The following SMYD3 variants were observed in gnomAD, a reference collection of about 807,000 sequenced individuals.
SMYD3 encodes SET and MYND domain containing 3.
In SMYD3, 36 loss-of-function variants were observed where a neutral mutation model predicts 57.7. The observed-to-expected ratio is 0.62, with a 90% confidence interval of 0.48 to 0.82. SMYD3 has a LOEUF of 0.82. SMYD3 is among the 40% of genes least tolerant of loss of function. SMYD3 has a pLI of 0.00. For missense variants in SMYD3, 515 were observed against 538.8 expected (o/e 0.96, Z 0.44); for synonymous variants, 211 against 195.0 (o/e 1.08, Z -0.68).
At chr1:245,799,779 G>A (rs565312193) in intron 10 of SMYD3, among the ~76,000 whole-genome samples, 6 of 152,104 alleles carry the variant, frequency 3.9e-5, no homozygotes, top group South Asian at 2.1e-4. Context: ...TCCCGACCTC[G>A]GCACACCTGT....
chr1:245,750,640 C>A (rs1198454035), intron 11 of SMYD3, among the ~76,000 whole-genome samples: 1 of 128,936 alleles, frequency 7.8e-6, no homozygotes, highest in Non-Finnish European at 1.6e-5. Context: ...GGTTATGGAA[C>A]AACAAACAAC....
chr1:245,950,771 T>C (rs2057604101), intron 5 of SMYD3, among the ~76,000 whole-genome samples: 1 of 152,222 alleles, frequency 6.6e-6, no homozygotes, highest in African/African-American at 2.4e-5. Context: ...TTCCCAGTAT[T>C]TTCTATCCAT....
At chr1:246,325,311 A>C in intron 5 of SMYD3, among the ~76,000 whole-genome samples, 1 of 146,562 alleles carries the variant, frequency 6.8e-6, no homozygotes. Flanking sequence ...GGGGGCGGGA[A>C]GGAGGGGAGT....
At chr1:246,282,921 T>C (rs879378736) in intron 5 of SMYD3, among the ~76,000 whole-genome samples, 5 of 152,170 alleles carry the variant, frequency 3.3e-5, no homozygotes, top group Non-Finnish European at 7.3e-5. Flanking sequence ...CAAGAATAAA[T>C]AATCCCAGAT....
intron 2 of SMYD3, among the ~76,000 whole-genome samples, chr1:246,346,225 A>G (rs1361640529): frequency 1.3e-5 from 2 of 152,046 alleles, no homozygotes; most frequent in East Asian, 3.9e-4. Flanking sequence ...CGGAGCTTGC[A>G]GTGAGCCGAG....
intron 5 of SMYD3, among the ~76,000 whole-genome samples, chr1:246,068,013 T>C (rs2060374644): frequency 6.6e-6 from 1 of 152,034 alleles, no homozygotes; most frequent in African/African-American, 2.4e-5. Flanking sequence ...TGAGAATGAA[T>C]TTGTGGTTTG....
At chr1:246,490,350 C>T (rs2068250718) in intron 1 of SMYD3, among the ~76,000 whole-genome samples, 1 of 152,114 alleles carries the variant, frequency 6.6e-6, no homozygotes, top group African/African-American at 2.4e-5. Context: ...GAAAATGTCT[C>T]AGATGTTATC....
intron 5 of SMYD3, among the ~76,000 whole-genome samples, chr1:246,219,468 A>G (rs6426285): frequency 0.27 from 40,330 of 151,916 alleles, 6,086 homozygotes; most frequent in East Asian, 0.58. Flanking sequence ...AGCCACTTCC[A>G]TTGGCAATAA....
intron 1 of SMYD3, among the ~76,000 whole-genome samples, chr1:246,461,097 T>C (rs7553210): frequency 0.98 from 149,695 of 152,342 alleles, 73,561 homozygotes; most frequent in East Asian, 1. Flanking sequence ...TTCTGAAAAA[T>C]GTAAGTTAAA....
At chr1:246,246,400 A>G (rs4654225) in intron 5 of SMYD3, among the ~76,000 whole-genome samples, 31,535 of 152,056 alleles carry the variant, frequency 0.21, 3,983 homozygotes, top group East Asian at 0.58. Context: ...ACTGGAAAGT[A>G]AGTCTATTTG....
At chr1:245,940,024 A>C (rs1429305021) in intron 5 of SMYD3, among the ~76,000 whole-genome samples, 2 of 152,152 alleles carry the variant, frequency 1.3e-5, no homozygotes, top group African/African-American at 2.4e-5. Flanking sequence ...GGCTATGGCA[A>C]ATCATGGCCA....
intron 5 of SMYD3, among the ~76,000 whole-genome samples, chr1:246,056,998 C>A (rs1387691717): frequency 3.3e-5 from 5 of 152,142 alleles, no homozygotes; most frequent in Non-Finnish European, 2.9e-5. Context: ...CTGCAAAATG[C>A]GGATTATAAT....
At chr1:246,108,770 GC>G (rs1269236637) in intron 5 of SMYD3, 10 of 152,278 alleles carry the variant, frequency 6.6e-5, no homozygotes, top group African/African-American at 2.4e-4. Context: ...GCAAATACTA[GC>G]TTTATTCCCT....
intron 1 of SMYD3, among the ~76,000 whole-genome samples, chr1:246,380,556 G>T (rs1025914502): frequency 1.3e-5 from 2 of 152,168 alleles, no homozygotes; most frequent in Non-Finnish European, 2.9e-5. Context: ...CCTTCCTATT[G>T]TTGCTGTTCT....
intron 1 of SMYD3, among the ~76,000 whole-genome samples, chr1:246,386,516 T>A (rs1418703039): frequency 6.6e-6 from 1 of 152,110 alleles, no homozygotes; most frequent in Non-Finnish European, 1.5e-5. Flanking sequence ...GTCAGCCAGG[T>A]GCAGTGGCTC....
At chr1:246,385,756 A>G (rs2066466761) in intron 1 of SMYD3, among the ~76,000 whole-genome samples, 4 of 152,072 alleles carry the variant, frequency 2.6e-5, no homozygotes, top group Admixed American at 1.3e-4. Context: ...ACTTTTTTAA[A>G]ACAAACACAA....
chr1:246,116,926 A>C (rs1235987309), intron 5 of SMYD3, among the ~76,000 whole-genome samples: 1 of 152,266 alleles, frequency 6.6e-6, no homozygotes, highest in African/African-American at 2.4e-5. Flanking sequence ...AAATTCAGTC[A>C]AAAGGCATTA....
intron 5 of SMYD3, among the ~76,000 whole-genome samples, chr1:246,207,296 A>C (rs1265847347): frequency 6.6e-6 from 1 of 152,078 alleles, no homozygotes; most frequent in East Asian, 1.9e-4. Context: ...TCAGATCCTC[A>C]TTACTTATTG....
intron 8 of SMYD3, among the ~76,000 whole-genome samples, chr1:245,912,273 A>C (rs1412809819): frequency 6.6e-6 from 1 of 152,006 alleles, no homozygotes; most frequent in African/African-American, 2.4e-5. Flanking sequence ...CCCACCCCCC[A>C]AAAAAAGACA....
Sources: gnomAD v4.1 joint callset for allele counts (sites outside exome capture counted in the v4.1 genomes callset) on GRCh38, gnomAD v4.1.1 for gene constraint, MANE v1.5 for transcripts, NCBI Gene and HGNC (gene_info 2026-07-23, HGNC 2026-07-21) for gene names.